The following MYH7 variants were observed in gnomAD, a reference collection of about 807,000 sequenced individuals.
MYH7 encodes the protein myosin heavy chain 7, also known as myosin-7.
A neutral mutation model predicts 225.4 loss-of-function variants in MYH7; 129 were observed. The ratio of observed to expected loss-of-function variants is 0.57; its 90% CI spans 0.50 to 0.66. The LOEUF (loss-of-function observed/expected upper bound fraction) is 0.66, where lower values mean the gene tolerates loss of function less well. MYH7 is among the 30% of genes least tolerant of loss of function. The pLI is 0.00. For missense variants in MYH7, 1,649 were observed against 2,517.0 expected (o/e 0.66, Z 7.38); for synonymous variants, 971 against 1,007.6 (o/e 0.96, Z 0.69).
At chr14:23,423,058 T>C (rs1892542795) in intron 24 of MYH7, among the ~76,000 whole-genome samples, 2 of 152,220 alleles carry the variant, frequency 1.3e-5, no homozygotes, top group African/African-American at 4.8e-5. Flanking sequence ...ATGGCTGAGA[T>C]AGAAGCTTAA....
Position 23,416,129 on chromosome 14 carries a change from C to G in MYH7, c.4828G>C (p.Glu1610Gln), listed in dbSNP as rs730880810. The G allele has an allele frequency of 6.2e-6, 10 of 1,614,200 alleles. No individual in the cohort carries two copies. Among genetic ancestry groups the G allele is most frequent in the Non-Finnish European group, 8.5e-6 (10 of 1,180,050 alleles). The change falls in exon 34 of 40, where the codon GAG (glutamate) becomes CAG (glutamine). Residue 1610 changes from glutamate to glutamine, a missense_variant. By Grantham distance (29) the Glu-to-Gln change is conservative. This residue lies in a region of MYH7 where 687 missense variants were observed against 913.8 expected (regional missense o/e 0.75). Transcript: ENST00000355349. Reference sequence around the variant, plus strand: ...ATCTTCTTCTTCACCCTCAGGGCCTCGTTGCGGCTGCGTGTCTCTGCGTCC... The same window carrying G: ...ATCTTCTTCTTCACCCTCAGGGCCTGGTTGCGGCTGCGTGTCTCTGCGTCC... The part of the protein sequence containing the change: ...SLDAETRSRN[E>Q]ALRVKKKMEG...
intron 11 of MYH7, 109 bp downstream of exon 11, chr14:23,430,451 C>T: frequency 1.2e-6 from 1 of 867,272 alleles, no homozygotes; most frequent in Non-Finnish European, 1.9e-6. Flanking sequence ...TCAGGAGGTC[C>T]ATACCACTTT....
intron 25 of MYH7, 49 bp from the exon 26 acceptor site, chr14:23,421,097 G>A: frequency 7.2e-7 from 1 of 1,393,276 alleles, no homozygotes; most frequent in Non-Finnish European, 1.0e-6. Flanking sequence ...TGGGGCCTCA[G>A]GAGGGTCCAC....
rs139518691 is a variant in MYH7, at chr14:23,415,767, G to A, written c.5019C>T (p.Ile1673=). The A allele has an allele frequency of 1.4e-5, 22 of 1,614,068 alleles. No individual in the cohort carries two copies. The highest frequency in any genetic ancestry group is 3.3e-5 in the Admixed American group (2 of 60,004). Residue 1673 remains isoleucine (I), a synonymous_variant, in exon 35 of 40, where the codon ATC becomes ATT. Coordinates refer to ENST00000355349, the MANE Select transcript of MYH7 (RefSeq NM_000257.4). The surrounding 1 kb of genome is among the most constrained non-coding windows in gnomAD (Gnocchi z 6.3). ...ANDDLKENIA[I]VERRNNLLQA... ...GCAGCAGGTTGTTGCGCCGCTCCACGATGGCGATGTTCTCCTTCAGGTCGT... is the reference window on the plus strand; with the variant it reads ...GCAGCAGGTTGTTGCGCCGCTCCACAATGGCGATGTTCTCCTTCAGGTCGT...
rs397516160 is a variant in MYH7 at position 23,424,804 on chromosome 14, G to C, written c.2644C>G (p.Gln882Glu). The C allele has an allele frequency of 6.2e-7, 1 of 1,614,066 alleles. No individual in the cohort carries two copies. Among genetic ancestry groups the C allele is most frequent in the Non-Finnish European group, 8.5e-7 (1 of 1,180,042 alleles). Residue 882 changes from glutamine to glutamate, a missense_variant, in exon 22 of 40, where the codon CAG becomes GAG. Around this residue, in one of 12 missense-constraint regions of MYH7, gnomAD observed 282 missense variants for 315.3 expected, o/e 0.89. Coordinates refer to ENST00000355349, the MANE Select transcript of MYH7 (RefSeq NM_000257.4). Reference sequence around the variant, plus strand: ...TGGAGCTGCAGGTCATTCTTCTCCTGCAGCAGGGACACCATCTTCTCCTCC... The same window carrying C: ...TGGAGCTGCAGGTCATTCTTCTCCTCCAGCAGGGACACCATCTTCTCCTCC... ...ELEEKMVSLLQEKNDLQLQVQ... is the reference protein window; with the variant it reads ...ELEEKMVSLLEEKNDLQLQVQ...
At position 23,425,153 on chromosome 14, in the gene MYH7, A is replaced by C; in HGVS notation, c.2423+129T>G. On this transcript the variant is annotated intron_variant, in intron 21 of 39. Coordinates refer to ENST00000355349, the MANE Select transcript of MYH7 (RefSeq NM_000257.4). This position sits in a 1 kb window ranked among gnomAD's most constrained non-coding sequence, Gnocchi z 4.6. The stretch of plus-strand genomic sequence containing the variant: ...CTGAGGCCTCTGACCCTGTGACTGC[A>C]GTGTGTTCATATGAGCCCCTCCTGC... 1.3e-6 allele frequency: 2 copies of C among 1,598,144 alleles called. No individual in the cohort carries two copies. Among genetic ancestry groups the C allele is most frequent in the Non-Finnish European group, 1.7e-6 (2 of 1,167,718 alleles).
At position 23,425,042 on chromosome 14, in the gene MYH7, A is replaced by G. The variant is rs763721354; in HGVS notation, c.2424-18T>C. On this transcript the variant is annotated intron_variant, in intron 21 of 39. Transcript: ENST00000355349. The surrounding 1 kb of genome is among the most constrained non-coding windows in gnomAD (Gnocchi z 4.6). The stretch of plus-strand genomic sequence containing the variant: ...GGGAGTCTCTGCAGGGGCCCATTGA[A>G]AGGAGTGCTGAGCCTCCTGCCTCCT... 4 of 1,613,974 alleles carry G rather than the reference A, an allele frequency of 2.5e-6. No individual in the cohort carries two copies. The African/African-American group carries it at 5.3e-5, about 22-fold the overall frequency.
At chr14:23,431,924 C>T in intron 6 of MYH7, 55 bp from the exon 7 acceptor site, 1 of 1,573,520 alleles carries the variant, frequency 6.4e-7, no homozygotes, top group Non-Finnish European at 8.7e-7. Context: ...GACCAGCAAG[C>T]CTCAAATCAG....
intron 11 of MYH7, among the ~76,000 whole-genome samples, chr14:23,430,228 C>G (rs1414442590): frequency 1.3e-5 from 2 of 152,194 alleles, no homozygotes; most frequent in Non-Finnish European, 2.9e-5. Context: ...CTGTCTGCAT[C>G]TGTTCACCTA....
intron 12 of MYH7, among the ~76,000 whole-genome samples, chr14:23,429,568 C>T (rs762394089): frequency 1.1e-4 from 16 of 151,522 alleles, no homozygotes; most frequent in South Asian, 6.3e-4. Flanking sequence ...TCCAGCTACT[C>T]GGGAGGCTGA....
Position 23,425,840 on chromosome 14 carries a change from G to GA in MYH7, c.2163-23_2163-22insT. On this transcript the variant is annotated intron_variant, in intron 19 of 39. Coordinates refer to ENST00000355349, the MANE Select transcript of MYH7 (RefSeq NM_000257.4). This position sits in a 1 kb window ranked among gnomAD's most constrained non-coding sequence, Gnocchi z 4.6. ...ATACCTGAGGAGGGAAGTGTCCAGA[G>GA]TCACCCATGCTCTGCAGTGATCTGC... 6.2e-7 allele frequency: 1 copy of GA among 1,613,788 alleles called. No individual in the cohort carries two copies. Among genetic ancestry groups the GA allele is most frequent in the Non-Finnish European group, 8.5e-7 (1 of 1,179,912 alleles).
chr14:23,413,686 C>G, intron 39 of MYH7, 73 bp downstream of exon 39: 1 of 1,602,538 alleles, frequency 6.2e-7, no homozygotes, highest in Non-Finnish European at 8.5e-7. Context: ...AGGAAGCATC[C>G]CGGGTTTGAG....
rs952149120 is a variant in MYH7, at chr14:23,424,931, C to A, written c.2517G>T (p.Leu839=). ...WMKLYFKIKP[L]LKSAEREKEM... ...CCTTCTCTCTTTCTGCACTCTTCAG[C>A]AGCGGCTTGATCTTGAAGTAGAGCT... Residue 839 remains leucine, a synonymous_variant, in exon 22 of 40, where the codon CTG becomes CTT. Transcript: ENST00000355349. 1 of 1,614,132 alleles carries A rather than the reference C, an allele frequency of 6.2e-7. No individual in the cohort carries two copies. The highest frequency in any genetic ancestry group is 1.3e-5 in the African/African-American group (1 of 74,950).
chr14:23,415,309 T>G lies in MYH7; in HGVS notation c.5284-39A>C. On this transcript the variant is annotated intron_variant, in intron 36 of 39. Coordinates refer to ENST00000355349, the MANE Select transcript of MYH7 (RefSeq NM_000257.4). The surrounding 1 kb of genome is among the most constrained non-coding windows in gnomAD (Gnocchi z 6.3). ...AGAGGTGGCACATGGTCTGGTCAAG[T>G]CCTCACACACTTGCTGCCCAGCCCA... The G allele has an allele frequency of 6.2e-7, 1 of 1,614,208 alleles. No homozygotes were observed. Among genetic ancestry groups the G allele is most frequent in the Non-Finnish European group, 8.5e-7 (1 of 1,180,042 alleles).
chr14:23,419,693 G>T, intron 27 of MYH7, 84 bp from the exon 28 acceptor site: 1 of 1,612,526 alleles, frequency 6.2e-7, no homozygotes, highest in South Asian at 1.1e-5. Context: ...AAGGAGAAAA[G>T]AAGAGGGAAG....
intron 39 of MYH7, 110 bp downstream of exon 39, chr14:23,413,649 T>G (rs1043284202): frequency 6.8e-7 from 1 of 1,479,424 alleles, no homozygotes; most frequent in Non-Finnish European, 9.3e-7. Context: ...TGGGGCCATG[T>G]GGCTCAAGTG....
At chr14:23,422,050 T>C in intron 25 of MYH7, 130 bp downstream of exon 25, 1 of 1,433,424 alleles carries the variant, frequency 7.0e-7, no homozygotes, top group Non-Finnish European at 9.6e-7. Flanking sequence ...TGGGAGGCCT[T>C]TTCCCATGGT....
rs1398810841 is a variant in MYH7, at chr14:23,416,964, C to A, written c.4548G>T (p.Leu1516Phe). 4 of 1,614,238 alleles carry A rather than the reference C, an allele frequency of 2.5e-6. No homozygotes were observed. The highest frequency in any genetic ancestry group is 2.2e-5 in the South Asian group (2 of 91,086). Reference protein sequence around the residue: ...QEEISDLTEQLGSSGKTIHEL... With the variant: ...QEEISDLTEQFGSSGKTIHEL... Reference sequence around the variant, plus strand: ...CATGGATAGTCTTTCCGCTGGAACCCAACTGCTCAGTCAAGTCGGAGATCT... The same window carrying A: ...CATGGATAGTCTTTCCGCTGGAACCAAACTGCTCAGTCAAGTCGGAGATCT... The change falls in exon 33 of 40, where the codon TTG (leucine) becomes TTT (phenylalanine). Residue 1516 changes from leucine to phenylalanine, a missense_variant. Leu to Phe is a conservative substitution (Grantham distance 22). This residue lies in a region of MYH7 where 687 missense variants were observed against 913.8 expected (regional missense o/e 0.75). Transcript: ENST00000355349.
Position 23,419,993 on chromosome 14 carries a change from C to T in MYH7, c.3578G>A (p.Arg1193His), listed in dbSNP as rs397516187. 4.4e-6 allele frequency: 7 copies of T among 1,599,028 alleles called. No homozygotes were observed. Among genetic ancestry groups the T allele is most frequent in the East Asian group, 2.2e-5 (1 of 44,578 alleles). ...LQHEATAAALRKKHADSVAEL... is the reference protein window; with the variant it reads ...LQHEATAAALHKKHADSVAEL... ...GGCCACGCTGTCGGCGTGCTTCTTGCGCAGGGCCGCGGCAGTGGCCTCGTG... is the reference window on the plus strand; with the variant it reads ...GGCCACGCTGTCGGCGTGCTTCTTGTGCAGGGCCGCGGCAGTGGCCTCGTG... Residue 1193 changes from arginine (R) to histidine (H), a missense_variant, in exon 27 of 40, where the codon CGC becomes CAC. Transcript: ENST00000355349.
Sources: allele counts gnomAD v4.1 joint callset (sites outside exome capture counted in the v4.1 genomes callset), GRCh38; gene constraint gnomAD v4.1.1; regional missense constraint gnomAD v4.1.1; non-coding constraint Gnocchi (gnomAD v3.1); transcripts MANE v1.5; gene names NCBI Gene and HGNC (gene_info 2026-07-23, HGNC 2026-07-21).